The following CCDC38 variants were observed in gnomAD, a reference collection of about 807,000 sequenced individuals.
CCDC38 encodes coiled-coil domain containing 38, also known as coiled-coil domain-containing protein 38.
In CCDC38, 69 loss-of-function variants were observed where a neutral mutation model predicts 72.8. That is an observed-to-expected ratio of 0.95 (90% CI 0.78 to 1.16). The LOEUF (loss-of-function observed/expected upper bound fraction) is 1.16. Ranked by LOEUF, CCDC38 falls within the 50% of genes most tolerant of loss-of-function variation. CCDC38 has a pLI of 0.00. For synonymous variants in CCDC38, 201 were observed against 213.2 expected, an observed-to-expected ratio of 0.94 and a Z score of 0.50; for missense variants, 626 against 638.9, an observed-to-expected ratio of 0.98 and a Z score of 0.22.
chr12:95,920,993 T>C (rs2080200482), intron 2 of CCDC38, among the ~76,000 whole-genome samples: 1 of 151,974 alleles, frequency 6.6e-6, no homozygotes. Context: ...CCGGGTGTGG[T>C]GGTTCACGCC....
At chr12:95,934,991 G>A (rs1397369123) in intron 2 of CCDC38, 2 of 152,154 alleles carry the variant, frequency 1.3e-5, no homozygotes, top group East Asian at 3.9e-4. Flanking sequence ...TTGGGTGACA[G>A]AGAAGCTGTC....
Position 95,897,070 on chromosome 12 carries a change from A to C in CCDC38, c.614+1315T>G, listed in dbSNP as rs187739060. Among the ~76,000 whole-genome samples the C allele has an allele frequency of 1.0e-3, 159 of 152,326 alleles. 5 individuals are homozygous for C. In the East Asian group the frequency reaches 0.024, roughly 23 times the overall value. ...TAAAATAGAAGAGCCTGCTGTAGCC[A>C]GAATATGAAATGCACATTCTGTTAG... On this transcript the variant is annotated intron_variant, in intron 7 of 15. Coordinates refer to ENST00000344280, the MANE Select transcript of CCDC38 (RefSeq NM_182496.3).
chr12:95,878,105 G>T (rs993946790), intron 13 of CCDC38, 106 bp downstream of exon 13: 2 of 1,279,628 alleles, frequency 1.6e-6, no homozygotes, highest in African/African-American at 1.5e-5. Context: ...ATCAATCTAG[G>T]ACTTGTGATT....
chr12:95,894,197 G>A (rs2079861072), intron 8 of CCDC38, among the ~76,000 whole-genome samples: 1 of 152,048 alleles, frequency 6.6e-6, no homozygotes, highest in Admixed American at 6.6e-5. Context: ...CCAGCTCTGG[G>A]TGACAGACAG....
intron 14 of CCDC38, among the ~76,000 whole-genome samples, chr12:95,871,661 G>A (rs1282664424): frequency 8.8e-6 from 1 of 113,682 alleles, no homozygotes; most frequent in African/African-American, 2.7e-5. Flanking sequence ...ATCCTCATGA[G>A]GTTGTCTTGA....
intron 2 of CCDC38, among the ~76,000 whole-genome samples, chr12:95,920,354 C>T (rs2080191608): frequency 6.6e-6 from 1 of 152,146 alleles, no homozygotes; most frequent in Non-Finnish European, 1.5e-5. Context: ...ATTATGAGGC[C>T]TCCCCAACCA....
rs1473727683 is a variant in CCDC38, at chr12:95,879,606, G to A, written c.1142+38C>T. On this transcript the variant is annotated intron_variant, in intron 12 of 15. Coordinates refer to ENST00000344280, the MANE Select transcript of CCDC38 (RefSeq NM_182496.3). This position sits in a 1 kb window ranked among gnomAD's most constrained non-coding sequence, Gnocchi z 5.5. ...TGGACCCAGGCTCTGGTTAGAAATT[G>A]CTTAATGGAATAAATCTACTTGTTT... 6.9e-7 allele frequency: 1 copy of A among 1,452,012 alleles called. No individual in the cohort carries two copies. The highest frequency in any genetic ancestry group is 1.3e-5 in the South Asian group (1 of 78,350). 89.9% of individuals were successfully genotyped at this position (1,452,012 alleles called of 1,614,324 possible).
intron 1 of CCDC38, among the ~76,000 whole-genome samples, chr12:95,939,975 T>C (rs139649678): frequency 4.1e-4 from 63 of 152,344 alleles, no homozygotes; most frequent in African/African-American, 1.5e-3. Context: ...TAATGCACTG[T>C]AGAATCTTCT....
At chr12:95,900,020 G>A (rs2079933998) in intron 5 of CCDC38, among the ~76,000 whole-genome samples, 1 of 152,112 alleles carries the variant, frequency 6.6e-6, no homozygotes, top group Non-Finnish European at 1.5e-5. Flanking sequence ...CCAATCATGA[G>A]GATTTCTGAG....
chr12:95,905,343 T>C (rs1341831398), intron 5 of CCDC38, among the ~76,000 whole-genome samples: 9 of 152,160 alleles, frequency 5.9e-5, no homozygotes, highest in African/African-American at 1.2e-4. Flanking sequence ...GGAAATGAGG[T>C]ATATTTAATA....
chr12:95,874,348 A>G (rs370588131), intron 13 of CCDC38, among the ~76,000 whole-genome samples: 12 of 152,160 alleles, frequency 7.9e-5, no homozygotes, highest in African/African-American at 1.2e-4. Context: ...GGCTTTAGAG[A>G]TGGATGAGCA....
chr12:95,911,063 G>A (rs1460787426), intron 4 of CCDC38, among the ~76,000 whole-genome samples: 2 of 151,992 alleles, frequency 1.3e-5, no homozygotes, highest in Non-Finnish European at 2.9e-5. Context: ...GAACAAAATA[G>A]AAAACAGAGA....
chr12:95,910,624 G>A (rs961330016), intron 4 of CCDC38, among the ~76,000 whole-genome samples: 1 of 152,184 alleles, frequency 6.6e-6, no homozygotes, highest in African/African-American at 2.4e-5. Context: ...AACTTGGAAA[G>A]GCCAAGGTGG....
intron 2 of CCDC38, among the ~76,000 whole-genome samples, chr12:95,927,888 G>T (rs1474473034): frequency 1.3e-5 from 2 of 149,786 alleles, no homozygotes; most frequent in African/African-American, 4.9e-5. Flanking sequence ...CTGGCTTGTA[G>T]GGTTTCTGCC....
chr12:95,876,248 A>G (rs1368098511), intron 13 of CCDC38, among the ~76,000 whole-genome samples: 1 of 152,182 alleles, frequency 6.6e-6, no homozygotes, highest in Non-Finnish European at 1.5e-5. Context: ...AGAATAGTCA[A>G]ATTCAGAGAG....
chr12:95,905,996 T>A (rs1204403518), intron 5 of CCDC38, among the ~76,000 whole-genome samples: 2 of 152,150 alleles, frequency 1.3e-5, no homozygotes, highest in African/African-American at 2.4e-5. Flanking sequence ...ATTCCCACCA[T>A]CTTCAGCCAA....
intron 2 of CCDC38, among the ~76,000 whole-genome samples, chr12:95,930,141 G>A (rs181143998): frequency 1.7e-3 from 252 of 152,168 alleles, no homozygotes; most frequent in African/African-American, 5.9e-3. Context: ...TTTGTGGAGG[G>A]CCACTATTCA....
chr12:95,889,347 C>G (rs1417746568), intron 9 of CCDC38, among the ~76,000 whole-genome samples: 6 of 152,014 alleles, frequency 3.9e-5, no homozygotes, highest in Admixed American at 2.6e-4. Flanking sequence ...ACATGTACTA[C>G]TAAAAAGTAT....
At chr12:95,894,074 C>T (rs1397407398) in intron 8 of CCDC38, among the ~76,000 whole-genome samples, 1 of 152,038 alleles carries the variant, frequency 6.6e-6, no homozygotes, top group East Asian at 1.9e-4. Flanking sequence ...CAAAAATTAG[C>T]TGGGCATGGT....
Sources: allele counts gnomAD v4.1 joint callset (sites outside exome capture counted in the v4.1 genomes callset), GRCh38; gene constraint gnomAD v4.1.1; non-coding constraint Gnocchi (gnomAD v3.1); transcripts MANE v1.5; gene names NCBI Gene and HGNC (gene_info 2026-07-23, HGNC 2026-07-21).